MORN1: variants seen among roughly 807,000 people sequenced by gnomAD.
The protein encoded by MORN1 is MORN repeat containing 1, also known as MORN repeat-containing protein 1.
Under a neutral mutation model 61.9 loss-of-function variants are expected in MORN1, and 67 were observed. The observed-to-expected ratio is 1.08, with a 90% CI of 0.89 to 1.33. The LOEUF is 1.33. Among genes scored for constraint, MORN1 ranks in the 40% most tolerant of loss-of-function variants. The pLI is 0.00. For missense variants in MORN1, 752 were observed against 691.2 expected (o/e 1.09, Z -0.99); for synonymous variants, 301 against 292.0 (o/e 1.03, Z -0.31).
chr1:2,323,247 G>C lies in MORN1; in HGVS notation c.1297+850C>G, dbSNP rs1041762228. On this transcript the variant is annotated intron_variant, in intron 13 of 13. Coordinates refer to ENST00000378531, the MANE Select transcript of MORN1 (RefSeq NM_024848.3). ...CCAAGGCCTCACTGGCTACAGCCCCGGCCACACGGGTGCCGTCCCCACGAC... is the reference window on the plus strand; with the variant it reads ...CCAAGGCCTCACTGGCTACAGCCCCCGCCACACGGGTGCCGTCCCCACGAC... The C allele has an allele frequency of 6.1e-6, 6 of 985,248 alleles. No individual in the cohort carries two copies. In the East Asian group the frequency reaches 3.4e-4, roughly 56 times the overall value. 61.0% of individuals were successfully genotyped at this position (985,248 alleles called of 1,614,324 possible).
In MORN1 at chr1:2,332,268, G is replaced by C. The variant is rs1216941214; in HGVS notation, c.1250+4201C>G. On this transcript the variant is annotated intron_variant, in intron 12 of 13. Transcript: ENST00000378531. ...TGAGAGGAGCTCCTGTTGTGCAGCTGCACGAAGGGGACACAGATGTGGCTG... is the reference window on the plus strand; with the variant it reads ...TGAGAGGAGCTCCTGTTGTGCAGCTCCACGAAGGGGACACAGATGTGGCTG... 1.3e-5 allele frequency: 3 copies of C among 238,068 alleles called. No individual in the cohort carries two copies. The Admixed American group carries it at 1.6e-4, about 13-fold the overall frequency. 14.7% of individuals were successfully genotyped at this position (238,068 alleles called of 1,614,324 possible).
intron 10 of MORN1, among the ~76,000 whole-genome samples, chr1:2,341,094 C>T (rs1239270490): frequency 6.6e-6 from 1 of 152,276 alleles, no homozygotes; most frequent in Non-Finnish European, 1.5e-5. Flanking sequence ...CCGGTCCCCA[C>T]ACCACCTCGG....
At position 2,372,192 on chromosome 1, in the gene MORN1, A is replaced by C; in HGVS notation, c.745+289T>G. The C allele has an allele frequency of 3.0e-6, 1 of 337,132 alleles. No individual in the cohort carries two copies. The highest frequency in any genetic ancestry group is 5.6e-6 in the Non-Finnish European group (1 of 178,744). The allele number at this position is 337,132 out of a possible 1,614,324, so 20.9% of individuals were successfully genotyped here. A position where few individuals can be genotyped will look rare whatever the true frequency, so the allele number is the denominator to read the frequency against. On this transcript the variant is annotated intron_variant, in intron 8 of 13. Transcript: ENST00000378531. This position sits in a 1 kb window ranked among gnomAD's most constrained non-coding sequence, Gnocchi z 5.4. ...CACGCGTGCCCCCCCACACGTATAC[A>C]CATTCAGACCTGTGCACACCTGTGC...
intron 13 of MORN1, chr1:2,322,614 G>A: frequency 4.1e-6 from 4 of 985,336 alleles, no homozygotes; most frequent in Non-Finnish European, 4.8e-6. Flanking sequence ...TCTGCAACCT[G>A]GCGGGTGTGG....
chr1:2,349,890 G>T (rs1292556700), intron 10 of MORN1, among the ~76,000 whole-genome samples: 1 of 150,224 alleles, frequency 6.7e-6, no homozygotes, highest in Non-Finnish European at 1.5e-5. Context: ...TTTTGTGCAT[G>T]AAAAAAAAGA....
chr1:2,346,678 G>C (rs146494420), intron 10 of MORN1, among the ~76,000 whole-genome samples: 2 of 152,140 alleles, frequency 1.3e-5, no homozygotes, highest in Admixed American at 1.3e-4. Context: ...GAGCCACCGC[G>C]CCCACCCTGA....
At chr1:2,376,764 T>C (rs1642247064) in intron 6 of MORN1, 1 of 152,228 alleles carries the variant, frequency 6.6e-6, no homozygotes. Flanking sequence ...CAAGCTTTCA[T>C]GCAGCACTTG....
At chr1:2,324,724 T>G (rs1037864667) in intron 12 of MORN1, among the ~76,000 whole-genome samples, 9 of 152,088 alleles carry the variant, frequency 5.9e-5, no homozygotes, top group Non-Finnish European at 8.8e-5. Context: ...GTGGAGACAC[T>G]CACTGCCCTG....
In MORN1 at chr1:2,372,291, A is replaced by G. The variant is rs1358654674; in HGVS notation, c.745+190T>C. On this transcript the variant is annotated intron_variant, in intron 8 of 13. Coordinates refer to ENST00000378531, the MANE Select transcript of MORN1 (RefSeq NM_024848.3). This position sits in a 1 kb window ranked among gnomAD's most constrained non-coding sequence, Gnocchi z 5.4. ...AATATGTGCACACATGCTTGCACAC[A>G]CACCCAAGGCTGCCCTGACTGGCAG... 5 of 576,344 alleles carry G rather than the reference A, an allele frequency of 8.7e-6. No individual in the cohort carries two copies. In the East Asian group the frequency reaches 1.2e-4, roughly 14 times the overall value. 35.7% of individuals were successfully genotyped at this position (576,344 alleles called of 1,614,324 possible). A position where few individuals can be genotyped will look rare whatever the true frequency, so the allele number is the denominator to read the frequency against.
At chr1:2,355,080 G>C in intron 10 of MORN1, 1 of 879,720 alleles carries the variant, frequency 1.1e-6, no homozygotes. Flanking sequence ...GGGCCGGCGC[G>C]GGGGGCCCGC....
At chr1:2,325,158 T>TC (rs1557865276) in intron 12 of MORN1, among the ~76,000 whole-genome samples, 1 of 125,028 alleles carries the variant, frequency 8.0e-6, no homozygotes, top group African/African-American at 3.1e-5. Flanking sequence ...CTTCCTTCCC[T>TC]CCCTTCCTTC....
chr1:2,345,122 G>A (rs1259250054), intron 10 of MORN1, among the ~76,000 whole-genome samples: 4 of 152,134 alleles, frequency 2.6e-5, no homozygotes, highest in African/African-American at 9.7e-5. Context: ...GGCCACATGT[G>A]CCCCGAAGAC....
At chr1:2,369,291 T>C (rs1481592430) in intron 8 of MORN1, among the ~76,000 whole-genome samples, 4 of 149,850 alleles carry the variant, frequency 2.7e-5, no homozygotes, top group African/African-American at 9.8e-5. Flanking sequence ...GAGGTGGAGC[T>C]TGCAGTGAGC....
At chr1:2,389,570 A>T (rs1215395843) in intron 2 of MORN1, among the ~76,000 whole-genome samples, 1 of 152,196 alleles carries the variant, frequency 6.6e-6, no homozygotes, top group African/African-American at 2.4e-5. Context: ...GCTTGGCTTG[A>T]CTTTACACTT....
chr1:2,347,537 G>A (rs898520342), intron 10 of MORN1, among the ~76,000 whole-genome samples: 1 of 152,140 alleles, frequency 6.6e-6, no homozygotes, highest in African/African-American at 2.4e-5. Flanking sequence ...CACACCCCAT[G>A]ACCTCAGGGG....
chr1:2,354,277 G>A (rs921072266), intron 10 of MORN1, among the ~76,000 whole-genome samples: 7 of 152,152 alleles, frequency 4.6e-5, no homozygotes, highest in African/African-American at 1.4e-4. Flanking sequence ...GGGTTATACA[G>A]TTTTAAGAAA....
intron 10 of MORN1, among the ~76,000 whole-genome samples, chr1:2,345,141 C>T (rs1055143165): frequency 5.9e-5 from 9 of 152,362 alleles, no homozygotes; most frequent in African/African-American, 2.2e-4. Context: ...ACAACGTCAG[C>T]CCCCGCGAGG....
chr1:2,351,980 GC>G, intron 10 of MORN1: 5 of 515,434 alleles, frequency 9.7e-6, no homozygotes, highest in Admixed American at 2.4e-5. Context: ...CAGTAGGCAT[GC>G]CCCCTCCAGG....
At chr1:2,345,974 ACCTCAGACAAAGCCACCAGGAACCTT>A (rs1305274674) in intron 10 of MORN1, among the ~76,000 whole-genome samples, 2,953 of 150,124 alleles carry the variant, frequency 0.02, 896 homozygotes, top group Admixed American at 0.057. Flanking sequence ...CTGTGATGAG[ACCTCAGACAAAGCCACCAGGAACCTT>A]CCTCAGACAA....
Sources: allele counts gnomAD v4.1 joint callset (sites outside exome capture counted in the v4.1 genomes callset), GRCh38; gene constraint gnomAD v4.1.1; non-coding constraint Gnocchi (gnomAD v3.1); transcripts MANE v1.5; gene names NCBI Gene and HGNC (gene_info 2026-07-23, HGNC 2026-07-21).